SLC25A13: variants seen among roughly 807,000 people sequenced by gnomAD.
SLC25A13 encodes the protein solute carrier family 25 member 13, also known as electrogenic aspartate/glutamate antiporter SLC25A13, mitochondrial.
A neutral mutation model predicts 85.5 loss-of-function variants in SLC25A13; 70 were observed. The observed-to-expected ratio is 0.82, with a 90% CI of 0.68 to 1.00. The LOEUF is 1.00. Among genes scored for constraint, SLC25A13 ranks in the 50% least tolerant of loss-of-function variants. The pLI, the probability that SLC25A13 is intolerant of heterozygous loss-of-function variation, is 0.00. For missense variants in SLC25A13, 765 were observed against 819.8 expected (o/e 0.93, Z 0.82); for synonymous variants, 259 against 288.7 (o/e 0.90, Z 1.04).
chr7:96,209,534 C>T (rs562188325), intron 4 of SLC25A13, among the ~76,000 whole-genome samples: 4 of 152,220 alleles, frequency 2.6e-5, no homozygotes, highest in Admixed American at 6.5e-5. Context: ...TCGAGCTGCA[C>T]GTGAAGACAA....
At chr7:96,184,744 G>A (rs1794558934) in intron 10 of SLC25A13, among the ~76,000 whole-genome samples, 183 bp downstream of exon 10, 1 of 152,182 alleles carries the variant, frequency 6.6e-6, no homozygotes, top group Admixed American at 6.5e-5. Flanking sequence ...GTAAGTCCCT[G>A]ATCACATGCA....
chr7:96,221,121 C>T (rs1410220705), intron 4 of SLC25A13, among the ~76,000 whole-genome samples: 1 of 152,076 alleles, frequency 6.6e-6, no homozygotes, highest in African/African-American at 2.4e-5. Context: ...AAAATTGAAG[C>T]CATTATGGTC....
intron 13 of SLC25A13, among the ~76,000 whole-genome samples, chr7:96,161,558 A>G (rs1793509724): frequency 6.6e-6 from 1 of 152,184 alleles, no homozygotes; most frequent in African/African-American, 2.4e-5. Flanking sequence ...ACAGTGCAAC[A>G]CAGGCCCTGT....
chr7:96,270,772 C>G (rs368417941), intron 3 of SLC25A13, among the ~76,000 whole-genome samples: 4 of 152,072 alleles, frequency 2.6e-5, no homozygotes, highest in African/African-American at 7.2e-5. Flanking sequence ...AAAATTTATG[C>G]TATCACAGTT....
chr7:96,176,989 CTACT>C (rs1733456925), intron 11 of SLC25A13, among the ~76,000 whole-genome samples: 1 of 152,104 alleles, frequency 6.6e-6, no homozygotes, highest in African/African-American at 2.4e-5. Context: ...AACAAGGGTG[CTACT>C]TACTATCTAT....
At chr7:96,307,003 G>A in intron 1 of SLC25A13, 1 of 809,968 alleles carries the variant, frequency 1.2e-6, no homozygotes, top group Non-Finnish European at 2.0e-6. Context: ...CCATGAGTCT[G>A]CGGTGGGTCC....
intron 2 of SLC25A13, among the ~76,000 whole-genome samples, chr7:96,281,675 T>G (rs748077705): frequency 6.6e-6 from 1 of 152,190 alleles, no homozygotes; most frequent in Non-Finnish European, 1.5e-5. Flanking sequence ...GGCTGTACAT[T>G]TGTGATGTAT....
At chr7:96,251,405 C>G (rs1797421843) in intron 3 of SLC25A13, among the ~76,000 whole-genome samples, 1 of 152,094 alleles carries the variant, frequency 6.6e-6, no homozygotes, top group Non-Finnish European at 1.5e-5. Context: ...GTGACATAAT[C>G]CAACTCAGAT....
chr7:96,281,288 G>T (rs1484275261), intron 2 of SLC25A13, among the ~76,000 whole-genome samples: 1 of 151,750 alleles, frequency 6.6e-6, no homozygotes, highest in African/African-American at 2.4e-5. Context: ...CTACTCAAGA[G>T]GCTGAGGCAG....
intron 5 of SLC25A13, among the ~76,000 whole-genome samples, chr7:96,205,098 TG>T (rs1226288318): frequency 6.6e-6 from 1 of 152,070 alleles, no homozygotes; most frequent in Non-Finnish European, 1.5e-5. Flanking sequence ...TTGGTAGAGA[TG>T]GGGTTTCACC....
At chr7:96,267,855 C>T (rs1309223256) in intron 3 of SLC25A13, among the ~76,000 whole-genome samples, 2 of 150,770 alleles carry the variant, frequency 1.3e-5, no homozygotes, top group Admixed American at 6.6e-5. Flanking sequence ...TTTGGTACAA[C>T]AAAGTGGCAG....
intron 1 of SLC25A13, among the ~76,000 whole-genome samples, chr7:96,308,854 T>A (rs1180013429): frequency 6.6e-6 from 1 of 152,172 alleles, no homozygotes. Context: ...AACAAATCAA[T>A]GTGAAAAGGC....
chr7:96,249,740 T>TA (rs1797338094), intron 3 of SLC25A13, among the ~76,000 whole-genome samples: 1 of 152,248 alleles, frequency 6.6e-6, no homozygotes, highest in Admixed American at 6.5e-5. Flanking sequence ...GTACTTTATA[T>TA]TTTTGCAAGA....
chr7:96,144,736 A>T (rs1289812826), intron 14 of SLC25A13, among the ~76,000 whole-genome samples: 1 of 152,222 alleles, frequency 6.6e-6, no homozygotes, highest in Non-Finnish European at 1.5e-5. Context: ...AAGAAGTGTT[A>T]AAGGGGATTA....
intron 4 of SLC25A13, among the ~76,000 whole-genome samples, chr7:96,211,372 A>G (rs1294100720): frequency 6.6e-6 from 1 of 152,100 alleles, no homozygotes; most frequent in Admixed American, 6.6e-5. Context: ...AAATCTGACA[A>G]TCCTATAGGC....
chr7:96,304,543 C>T (rs1307032707), intron 1 of SLC25A13, among the ~76,000 whole-genome samples: 1 of 152,146 alleles, frequency 6.6e-6, no homozygotes, highest in African/African-American at 2.4e-5. Context: ...GAGCCTGAAA[C>T]ATACTAGTTC....
intron 11 of SLC25A13, among the ~76,000 whole-genome samples, chr7:96,173,583 T>G (rs192857225): frequency 2.0e-4 from 31 of 152,284 alleles, no homozygotes; most frequent in Admixed American, 1.6e-3. Flanking sequence ...TTTTCTCATT[T>G]TTTATTTTTA....
chr7:96,192,907 A>T, intron 6 of SLC25A13, 130 bp downstream of exon 6: 1 of 999,434 alleles, frequency 1.0e-6, no homozygotes, highest in African/African-American at 1.6e-5. Context: ...TGAGTTTAGT[A>T]ATGTATGTGA....
At chr7:96,199,374 T>G (rs995558550) in intron 5 of SLC25A13, among the ~76,000 whole-genome samples, 4 of 152,104 alleles carry the variant, frequency 2.6e-5, no homozygotes, top group Non-Finnish European at 5.9e-5. Flanking sequence ...AAAATCAAAC[T>G]GATACCTAAA....
Sources: gnomAD v4.1 joint callset for allele counts (sites outside exome capture counted in the v4.1 genomes callset) on GRCh38, gnomAD v4.1.1 for gene constraint, MANE v1.5 for transcripts, NCBI Gene and HGNC (gene_info 2026-07-23, HGNC 2026-07-21) for gene names.